PKN2: variants seen among roughly 807,000 people sequenced by gnomAD.
PKN2 encodes the protein protein kinase N2, also known as serine/threonine-protein kinase N2.
A neutral mutation model predicts 119.1 loss-of-function variants in PKN2; 38 were observed. The ratio of observed to expected loss-of-function variants is 0.32; its 90% confidence interval spans 0.25 to 0.42. The LOEUF is 0.42. Ranked by LOEUF, PKN2 falls within the 10% of genes least tolerant of loss-of-function variation. The pLI is 1.00. For missense variants in PKN2, 850 were observed against 1,165.1 expected, an observed-to-expected ratio of 0.73 and a Z score of 3.94; for synonymous variants, 390 against 384.9, an observed-to-expected ratio of 1.01 and a Z score of -0.15.
At chr1:88,698,934 C>T (rs2100659999) in intron 1 of PKN2, among the ~76,000 whole-genome samples, 1 of 152,260 alleles carries the variant, frequency 6.6e-6, no homozygotes, top group Admixed American at 6.5e-5. Flanking sequence ...ATTTGTAGAG[C>T]CATAGCATCT....
intron 2 of PKN2, among the ~76,000 whole-genome samples, chr1:88,759,885 C>A (rs146033964): frequency 2.1e-3 from 325 of 152,190 alleles, no homozygotes; most frequent in Non-Finnish European, 3.4e-3. Flanking sequence ...ACCAAAAAAG[C>A]CCAGAACCAG....
chr1:88,756,723 A>C (rs376911598), intron 2 of PKN2, among the ~76,000 whole-genome samples: 5 of 152,182 alleles, frequency 3.3e-5, no homozygotes, highest in African/African-American at 1.2e-4. Flanking sequence ...CCAGATCTGA[A>C]CTGTTCAGTC....
intron 1 of PKN2, among the ~76,000 whole-genome samples, chr1:88,686,048 TA>T (rs1224956553): frequency 6.6e-6 from 1 of 152,194 alleles, no homozygotes; most frequent in Non-Finnish European, 1.5e-5. Context: ...TGCTATGTAG[TA>T]TTTTAATTAC....
rs747810271 is a variant in PKN2, at chr1:88,805,773, G to A, written c.1676+102G>A. ...CTGAGTCTTGCTTTTTTCCCAAGTA[G>A]TATTTTGAAAGTAGTGTTCTGTTTA... is the stretch of plus-strand genomic sequence containing the variant. On this transcript the variant is annotated intron_variant, in intron 11 of 21. Transcript: ENST00000370521. 6.2e-6 allele frequency: 10 copies of A among 1,600,764 alleles called. 1 individual carries two copies. In the South Asian group the frequency reaches 1.1e-4, roughly 18 times the overall value.
chr1:88,763,072 T>C (rs1279257698), intron 3 of PKN2, among the ~76,000 whole-genome samples: 1 of 152,184 alleles, frequency 6.6e-6, no homozygotes, highest in Non-Finnish European at 1.5e-5. Flanking sequence ...AAGACATTCA[T>C]TTTGTTTGGG....
At chr1:88,692,679 A>G (rs1408211399) in intron 1 of PKN2, among the ~76,000 whole-genome samples, 2 of 152,036 alleles carry the variant, frequency 1.3e-5, no homozygotes, top group Non-Finnish European at 1.5e-5. Context: ...TGAAATTCCT[A>G]TTTATGTCTC....
chr1:88,794,308 G>C (rs1252957583), intron 8 of PKN2, among the ~76,000 whole-genome samples: 1 of 151,524 alleles, frequency 6.6e-6, no homozygotes, highest in Non-Finnish European at 1.5e-5. Flanking sequence ...CGGAGGTTGC[G>C]GTGAGCCGAG....
At chr1:88,718,129 T>C (rs909655855) in intron 1 of PKN2, among the ~76,000 whole-genome samples, 5 of 152,226 alleles carry the variant, frequency 3.3e-5, no homozygotes, top group African/African-American at 1.2e-4. Flanking sequence ...CATCGGAGGC[T>C]GCAGAACAGC....
chr1:88,783,520 C>T (rs560997463), intron 6 of PKN2, among the ~76,000 whole-genome samples: 2 of 152,188 alleles, frequency 1.3e-5, no homozygotes, highest in African/African-American at 4.8e-5. Flanking sequence ...TTTGTTACTA[C>T]TTGGATAGAA....
At position 88,833,490 on chromosome 1, in the gene PKN2, C is replaced by G. The variant is rs372351771; in HGVS notation, c.*42C>G. ...AAACCAAGCTGACTCACAAGAAGAC[C>G]TCTTAAAAATAGCAACCCTTCATTT... On this transcript the variant is annotated 3_prime_UTR_variant, in exon 22 of 22. Coordinates refer to ENST00000370521, the MANE Select transcript of PKN2 (RefSeq NM_006256.4). 8.6e-6 allele frequency: 13 copies of G among 1,517,484 alleles called. No individual in the cohort carries two copies. Among genetic ancestry groups the G allele is most frequent in the Non-Finnish European group, 1.2e-5 (13 of 1,096,608 alleles). 94.0% of individuals were successfully genotyped at this position (1,517,484 alleles called of 1,614,324 possible). A position where few individuals can be genotyped will look rare whatever the true frequency, so the allele number is the denominator to read the frequency against.
chr1:88,817,408 C>CA (rs531465698), intron 16 of PKN2, among the ~76,000 whole-genome samples: 8,608 of 84,600 alleles, frequency 0.1, 596 homozygotes, highest in African/African-American at 0.23. Context: ...GACTCTGTCT[C>CA]AAAAAAAAAA....
intron 15 of PKN2, among the ~76,000 whole-genome samples, chr1:88,811,421 C>G (rs796824025): frequency 6.6e-6 from 1 of 152,242 alleles, no homozygotes; most frequent in African/African-American, 2.4e-5. Context: ...GTACACGAAA[C>G]ATGTTAGGAT....
At chr1:88,718,142 A>G (rs972260268) in intron 1 of PKN2, among the ~76,000 whole-genome samples, 1 of 152,208 alleles carries the variant, frequency 6.6e-6, no homozygotes, top group African/African-American at 2.4e-5. Flanking sequence ...AGAACAGCAA[A>G]TATTGCAGAA....
intron 1 of PKN2, among the ~76,000 whole-genome samples, chr1:88,698,887 G>GT (rs1253948941): frequency 6.6e-6 from 1 of 151,858 alleles, no homozygotes; most frequent in Non-Finnish European, 1.5e-5. Flanking sequence ...ATTATTTTTA[G>GT]TTTTTTTCTG....
rs1328906246 is a variant in PKN2, at chr1:88,722,795, A to G, written c.49-18193A>G. 5.9e-5 allele frequency among the ~76,000 whole-genome samples: 9 copies of G among 152,086 alleles called. No homozygotes were observed. In the East Asian group the frequency reaches 1.5e-3, roughly 26 times the overall value. ...AAGACCCTGTCTCAAAATAAAAAAA[A>G]AAAAAAGAAACGAAAAAAATTATTG... On this transcript the variant is annotated intron_variant, in intron 1 of 21. Coordinates refer to ENST00000370521, the MANE Select transcript of PKN2 (RefSeq NM_006256.4).
Position 88,833,610 on chromosome 1 carries a change from C to T in PKN2, c.*162C>T, listed in dbSNP as rs752157088. ...GTTTAAAAGTACCATTCTAATACTT[C>T]TTCAAAAGTGGCTCCTCATTGTACT... On this transcript the variant is annotated 3_prime_UTR_variant, in exon 22 of 22. Coordinates refer to ENST00000370521, the MANE Select transcript of PKN2 (RefSeq NM_006256.4). 97 of 600,006 alleles carry T rather than the reference C, an allele frequency of 1.6e-4. No individual in the cohort carries two copies. Among genetic ancestry groups the T allele is most frequent in the Admixed American group, 2.8e-4 (9 of 31,958 alleles). The allele number at this position is 600,006 out of a possible 1,614,324, so 37.2% of individuals were successfully genotyped here.
chr1:88,778,072 CTACTTCGAGTTGTCCA>C (rs1369959758), intron 6 of PKN2, among the ~76,000 whole-genome samples: 2 of 152,168 alleles, frequency 1.3e-5, no homozygotes, highest in Admixed American at 6.5e-5. Context: ...CTGAAAATCC[CTACTTCGAGTTGTCCA>C]TCTTTTCTGG....
intron 17 of PKN2, among the ~76,000 whole-genome samples, chr1:88,823,978 C>T (rs1672397759): frequency 7.2e-6 from 1 of 139,800 alleles, no homozygotes; most frequent in South Asian, 2.3e-4. Context: ...CATTGCACTC[C>T]AGCCTGGGTG....
chr1:88,782,184 T>G (rs1296192723), intron 6 of PKN2, among the ~76,000 whole-genome samples: 1 of 152,092 alleles, frequency 6.6e-6, no homozygotes, highest in African/African-American at 2.4e-5. Context: ...TCTCCTGCCA[T>G]CTTAATCTTT....
Sources: gnomAD v4.1 joint callset for allele counts (sites outside exome capture counted in the v4.1 genomes callset) on GRCh38, gnomAD v4.1.1 for gene constraint, MANE v1.5 for transcripts, NCBI Gene and HGNC (gene_info 2026-07-23, HGNC 2026-07-21) for gene names.